JAZF1: variants seen among roughly 807,000 people sequenced by gnomAD.
JAZF1 encodes juxtaposed with another zinc finger protein 1.
Under a neutral mutation model 26.4 loss-of-function variants are expected in JAZF1, and 8 were observed. The observed-to-expected ratio is 0.30, with a 90% CI of 0.18 to 0.55. JAZF1 has a LOEUF of 0.55. JAZF1 is among the 20% of genes least tolerant of loss of function. The pLI is 0.94. For missense variants in JAZF1, 199 were observed against 322.0 expected, an observed-to-expected ratio of 0.62 and a Z score of 2.92; for synonymous variants, 126 against 122.3, an observed-to-expected ratio of 1.03 and a Z score of -0.20.
intron 1 of JAZF1, among the ~76,000 whole-genome samples, chr7:28,127,759 G>A (rs1782720343): frequency 2.0e-5 from 3 of 152,122 alleles, no homozygotes; most frequent in South Asian, 2.1e-4. Flanking sequence ...TGGCAGAAGG[G>A]AAAGCAAATG....
intron 2 of JAZF1, among the ~76,000 whole-genome samples, chr7:27,945,765 G>A (rs2128353509): frequency 6.6e-6 from 1 of 152,318 alleles, no homozygotes; most frequent in Middle Eastern, 3.4e-3. Context: ...TTTCTTGAAA[G>A]CAACTTATTT....
chr7:28,022,548 A>G, intron 1 of JAZF1, among the ~76,000 whole-genome samples: 1 of 152,242 alleles, frequency 6.6e-6, no homozygotes, highest in Admixed American at 6.5e-5. Context: ...ATAACAGATG[A>G]CTACAGAAAA....
chr7:28,028,486 T>C lies in JAZF1; in HGVS notation c.116-36505A>G, dbSNP rs563600761. ...TCCATTGAATCTGCTGAAGGCAATA[T>C]GTAGAGATGTTGCAACATTCTTCTC... On this transcript the variant is annotated intron_variant, in intron 1 of 4. Coordinates refer to ENST00000283928, the MANE Select transcript of JAZF1 (RefSeq NM_175061.4). Among the ~76,000 whole-genome samples, 28 of 152,348 alleles carry C rather than the reference T, an allele frequency of 1.8e-4. No individual in the cohort carries two copies. The South Asian group carries it at 5.4e-3, about 29-fold the overall frequency.
At chr7:27,963,637 C>CT (rs940829971) in intron 2 of JAZF1, among the ~76,000 whole-genome samples, 8 of 143,716 alleles carry the variant, frequency 5.6e-5, no homozygotes, top group African/African-American at 2.1e-4. Flanking sequence ...TCACAGTTCA[C>CT]TGCAGCCTTG....
chr7:27,902,846 C>T (rs1346907055), intron 2 of JAZF1, among the ~76,000 whole-genome samples: 1 of 152,022 alleles, frequency 6.6e-6, no homozygotes, highest in Admixed American at 6.6e-5. Context: ...GAAACCCCAT[C>T]TCTACTAAAA....
At chr7:28,040,140 G>A (rs1034561873) in intron 1 of JAZF1, among the ~76,000 whole-genome samples, 1 of 152,070 alleles carries the variant, frequency 6.6e-6, no homozygotes, top group East Asian at 1.9e-4. Context: ...AAAACCTTAC[G>A]TTTATTAAAA....
rs576786240 is a variant in JAZF1, at chr7:28,149,523, A to C, written c.115+30940T>G. Among the ~76,000 whole-genome samples, 26 of 152,204 alleles carry C rather than the reference A, an allele frequency of 1.7e-4. No homozygotes were observed. In the South Asian group the frequency reaches 2.1e-3, roughly 12 times the overall value. On this transcript the variant is annotated intron_variant, in intron 1 of 4. Transcript: ENST00000283928. ...AGACCCTGTCTTTTTGGGCTATCGC[A>C]AGTCCTCCTTGGCATGCCTCCCTCA...
chr7:27,868,457 C>A (rs907173315), intron 3 of JAZF1, among the ~76,000 whole-genome samples: 1 of 152,210 alleles, frequency 6.6e-6, no homozygotes, highest in Admixed American at 6.5e-5. Flanking sequence ...GGCCGCCTCA[C>A]GGGGGTTTCT....
chr7:28,035,067 AGCACTTTG>A (rs1783262161), intron 1 of JAZF1, among the ~76,000 whole-genome samples: 1 of 152,080 alleles, frequency 6.6e-6, no homozygotes, highest in South Asian at 2.1e-4. Flanking sequence ...CTATAATCCC[AGCACTTTG>A]GGAGTCCGAG....
intron 2 of JAZF1, among the ~76,000 whole-genome samples, chr7:27,975,071 G>A (rs575150367): frequency 6.6e-6 from 1 of 152,140 alleles, no homozygotes. Flanking sequence ...ATTTTTAGTA[G>A]AGATGGGGTT....
intron 1 of JAZF1, among the ~76,000 whole-genome samples, chr7:28,054,409 C>T (rs1322353239): frequency 6.6e-6 from 1 of 152,116 alleles, no homozygotes; most frequent in Non-Finnish European, 1.5e-5. Flanking sequence ...AGCACTGGAA[C>T]GAAAATGGGT....
At position 28,180,627 on chromosome 7, in the gene JAZF1, G is replaced by A. The variant is rs1562615420; in HGVS notation, c.-50C>T. On this transcript the variant is annotated 5_prime_UTR_variant, in exon 1 of 5. Coordinates refer to ENST00000283928, the MANE Select transcript of JAZF1 (RefSeq NM_175061.4). ...GTGTCGGCTCTGCGAGCGCCGGGCG[G>A]GCGAGGGAGGGAGGGAGGCCGGGTG... 2 of 1,480,062 alleles carry A rather than the reference G, an allele frequency of 1.4e-6. No homozygotes were observed. The highest frequency in any genetic ancestry group is 2.3e-5 in the East Asian group (1 of 42,712). 91.7% of individuals were successfully genotyped at this position (1,480,062 alleles called of 1,614,324 possible).
At chr7:27,891,832 C>A (rs938872229) in intron 3 of JAZF1, among the ~76,000 whole-genome samples, 7 of 152,126 alleles carry the variant, frequency 4.6e-5, no homozygotes, top group Non-Finnish European at 8.8e-5. Flanking sequence ...TACAGTAAGA[C>A]CCTGTTTCAA....
intron 1 of JAZF1, among the ~76,000 whole-genome samples, chr7:28,026,139 C>T (rs1366745337): frequency 6.6e-6 from 1 of 152,102 alleles, no homozygotes; most frequent in Non-Finnish European, 1.5e-5. Flanking sequence ...GTCTAGAGGC[C>T]CCACTGGGTC....
chr7:28,084,198 G>C (rs1442674116), intron 1 of JAZF1, among the ~76,000 whole-genome samples: 1 of 152,166 alleles, frequency 6.6e-6, no homozygotes, highest in East Asian at 1.9e-4. Context: ...AGAAAGAGAA[G>C]AGAAAAACCT....
intron 2 of JAZF1, among the ~76,000 whole-genome samples, chr7:27,990,334 A>T (rs73301367): frequency 2.0e-5 from 3 of 152,040 alleles, no homozygotes; most frequent in Admixed American, 6.6e-5. Context: ...ACCTAATGTA[A>T]ATGACCAGTT....
At chr7:27,974,009 CA>C (rs1218929958) in intron 2 of JAZF1, among the ~76,000 whole-genome samples, 3 of 152,118 alleles carry the variant, frequency 2.0e-5, no homozygotes, top group Non-Finnish European at 4.4e-5. Context: ...TATTTGGAAA[CA>C]GGGGTGAGGA....
At chr7:28,132,694 A>G (rs1306154592) in intron 1 of JAZF1, among the ~76,000 whole-genome samples, 1 of 152,230 alleles carries the variant, frequency 6.6e-6, no homozygotes, top group Non-Finnish European at 1.5e-5. Context: ...GATGGAAATT[A>G]AACATAGACA....
intron 2 of JAZF1, among the ~76,000 whole-genome samples, chr7:27,972,952 T>TACAC (rs35079442): frequency 0.014 from 2,033 of 149,994 alleles, 45 homozygotes; most frequent in Admixed American, 0.048. Context: ...TGTGTATATA[T>TACAC]ACACACACAC....
Sources: gnomAD v4.1 joint callset for allele counts (sites outside exome capture counted in the v4.1 genomes callset) on GRCh38, gnomAD v4.1.1 for gene constraint, MANE v1.5 for transcripts, NCBI Gene and HGNC (gene_info 2026-07-23, HGNC 2026-07-21) for gene names.